The following SYNE1 variants were observed in gnomAD, a reference collection of about 807,000 sequenced individuals.
SYNE1 encodes the protein spectrin repeat containing nuclear envelope protein 1.
A neutral mutation model predicts 1,111.0 loss-of-function variants in SYNE1; 616 were observed. That is an observed-to-expected ratio of 0.55 (90% CI 0.52 to 0.59). The LOEUF (loss-of-function observed/expected upper bound fraction) is 0.59. Ranked by LOEUF, SYNE1 falls within the 20% of genes least tolerant of loss-of-function variation. The pLI, the probability that SYNE1 is intolerant of heterozygous loss-of-function variation, is 0.00. For missense variants in SYNE1, 10,006 were observed against 10,417.0 expected (o/e 0.96, Z 1.72); for synonymous variants, 3,855 against 3,825.8 (o/e 1.01, Z -0.28).
In SYNE1 at chr6:152,151,552, C is replaced by G. The variant is rs770788954; in HGVS notation, c.24450+1G>C. On this transcript the variant is annotated splice_donor_variant, in intron 135 of 145. Transcript: ENST00000367255. LOFTEE classifies it high-confidence loss of function. ...TGGTAACTTGAAAAATAATCTATTA[C>G]CTTGAGTTGCTTTATTTTAGCTTGA... is the stretch of plus-strand genomic sequence containing the variant. 1 of 1,613,876 alleles carries G rather than the reference C, an allele frequency of 6.2e-7. No individual in the cohort carries two copies. The highest frequency in any genetic ancestry group is 8.5e-7 in the Non-Finnish European group (1 of 1,179,982).
chr6:152,303,941 G>T (rs2095290089), intron 91 of SYNE1, among the ~76,000 whole-genome samples: 1 of 151,994 alleles, frequency 6.6e-6, no homozygotes, highest in African/African-American at 2.4e-5. Flanking sequence ...TGTTATTATT[G>T]TTGTTTTGTT....
chr6:152,351,912 A>G, intron 70 of SYNE1, 115 bp downstream of exon 70: 2 of 923,840 alleles, frequency 2.2e-6, no homozygotes, highest in South Asian at 2.8e-5. Flanking sequence ...CAGAACGGAC[A>G]CATGCGGGAT....
intron 96 of SYNE1, 161 bp from the exon 97 acceptor site, chr6:152,282,141 G>A (rs2094068333): frequency 1.4e-6 from 1 of 699,134 alleles, no homozygotes. Context: ...ACAACAATCA[G>A]AATTTCTAGG....
At chr6:152,192,420 G>A (rs1042656152) in intron 127 of SYNE1, among the ~76,000 whole-genome samples, 3 of 144,610 alleles carry the variant, frequency 2.1e-5, no homozygotes, top group African/African-American at 7.8e-5. Flanking sequence ...TTATATACCT[G>A]GATACATGAG....
At chr6:152,499,204 G>A (rs1328002142) in intron 10 of SYNE1, among the ~76,000 whole-genome samples, 2 of 152,006 alleles carry the variant, frequency 1.3e-5, no homozygotes, top group African/African-American at 4.8e-5. Flanking sequence ...GGGCAGTCAG[G>A]AATGTTTGTT....
At chr6:152,556,211 C>T (rs2099364547) in intron 3 of SYNE1, among the ~76,000 whole-genome samples, 1 of 152,078 alleles carries the variant, frequency 6.6e-6, no homozygotes, top group Non-Finnish European at 1.5e-5. Flanking sequence ...GAATATAGTG[C>T]CTGAGTAGAG....
At chr6:152,394,577 A>C (rs1021862555) in intron 51 of SYNE1, among the ~76,000 whole-genome samples, 2 of 152,056 alleles carry the variant, frequency 1.3e-5, no homozygotes, top group East Asian at 3.9e-4. Flanking sequence ...TTTGCCTGGG[A>C]AAGGAGCCAG....
At chr6:152,431,727 T>C (rs1216939419) in intron 34 of SYNE1, among the ~76,000 whole-genome samples, 2 of 152,212 alleles carry the variant, frequency 1.3e-5, no homozygotes, top group Non-Finnish European at 2.9e-5. Flanking sequence ...TGAGACACCA[T>C]AGTCAGAAAT....
At chr6:152,553,549 G>A (rs55793053) in intron 3 of SYNE1, among the ~76,000 whole-genome samples, 118 of 152,182 alleles carry the variant, frequency 7.8e-4, no homozygotes, top group South Asian at 1.9e-3. Context: ...ACTATAAAGA[G>A]TTCTCCTATC....
chr6:152,251,699 C>T (rs1483836034), intron 104 of SYNE1, among the ~76,000 whole-genome samples: 1 of 151,620 alleles, frequency 6.6e-6, no homozygotes, highest in Non-Finnish European at 1.5e-5. Context: ...GCGGAGCTTG[C>T]AGTGAGCCGA....
intron 28 of SYNE1, among the ~76,000 whole-genome samples, chr6:152,449,039 A>T (rs185351149): frequency 8.5e-4 from 130 of 152,326 alleles, no homozygotes; most frequent in African/African-American, 2.9e-3. Context: ...TTTGAGCCTG[A>T]GGCTCTGTGG....
intron 131 of SYNE1, 51 bp from the exon 132 acceptor site, chr6:152,156,148 A>T: frequency 6.2e-7 from 1 of 1,605,266 alleles, no homozygotes; most frequent in Non-Finnish European, 8.5e-7. Flanking sequence ...TATACAGATG[A>T]GAGAAACTGA....
intron 100 of SYNE1, among the ~76,000 whole-genome samples, 198 bp from the exon 101 acceptor site, chr6:152,262,386 T>C (rs147331523): frequency 1.4e-4 from 22 of 152,320 alleles, no homozygotes; most frequent in African/African-American, 5.3e-4. Context: ...AACTGAACCA[T>C]GTGCAGAAGG....
intron 125 of SYNE1, 137 bp from the exon 126 acceptor site, chr6:152,206,499 G>T: frequency 1.2e-6 from 1 of 854,470 alleles, no homozygotes; most frequent in African/African-American, 1.7e-5. Flanking sequence ...GCACATGCAT[G>T]CACCAGTGAA....
chr6:152,450,639 C>T lies in SYNE1; in HGVS notation c.3381G>A (p.Lys1127=), dbSNP rs1197565984. 2 of 1,614,118 alleles carry T rather than the reference C, an allele frequency of 1.2e-6. No individual in the cohort carries two copies. Among genetic ancestry groups the T allele is most frequent in the Non-Finnish European group, 8.5e-7 (1 of 1,180,010 alleles). The change falls in exon 27 of 146, where the codon AAG becomes AAA. Residue 1127 remains lysine (K), a synonymous_variant. Coordinates refer to ENST00000367255, the MANE Select transcript of SYNE1 (RefSeq NM_182961.4). The part of the protein sequence containing the change: ...RKLMEDPDKW[K]DYTSRFSEFS... Reference sequence around the variant, plus strand: ...TCTGAGGCTACCTGCTAGTGTAGTCCTTCCACTTGTCTGGGTCTTCCATGA... The same window carrying T: ...TCTGAGGCTACCTGCTAGTGTAGTCTTTCCACTTGTCTGGGTCTTCCATGA...
At chr6:152,368,466 C>T (rs2097122793) in intron 61 of SYNE1, 1 of 155,998 alleles carries the variant, frequency 6.4e-6, no homozygotes. Context: ...TCTCAATCAA[C>T]ACATCCTTGA....
At chr6:152,606,964 C>A (rs544830733) in intron 3 of SYNE1, among the ~76,000 whole-genome samples, 97 of 136,232 alleles carry the variant, frequency 7.1e-4, no homozygotes, top group African/African-American at 2.0e-3. Flanking sequence ...AAAGGAAAGG[C>A]ATGCCTCGGT....
chr6:152,621,153 C>T (rs1203149658), intron 3 of SYNE1, among the ~76,000 whole-genome samples: 1 of 152,086 alleles, frequency 6.6e-6, no homozygotes, highest in African/African-American at 2.4e-5. Context: ...AGGACATCTT[C>T]CGAGCATGGA....
At chr6:152,389,625 C>T (rs1047613470) in intron 53 of SYNE1, among the ~76,000 whole-genome samples, 1 of 152,126 alleles carries the variant, frequency 6.6e-6, no homozygotes, top group African/African-American at 2.4e-5. Context: ...AAAAACACTA[C>T]CTGGTATAAC....
Sources: allele counts gnomAD v4.1 joint callset (sites outside exome capture counted in the v4.1 genomes callset), GRCh38; gene constraint gnomAD v4.1.1; transcripts MANE v1.5; gene names NCBI Gene and HGNC (gene_info 2026-07-23, HGNC 2026-07-21).